PDGFRL: variants seen among roughly 807,000 people sequenced by gnomAD.
PDGFRL encodes the protein platelet derived growth factor receptor like, also known as platelet-derived growth factor receptor-like protein.
Under a neutral mutation model 37.2 loss-of-function variants are expected in PDGFRL, and 46 were observed. The ratio of observed to expected loss-of-function variants is 1.24; its 90% CI spans 0.98 to 1.58. The LOEUF (loss-of-function observed/expected upper bound fraction) is 1.58. PDGFRL is among the 40% of genes most tolerant of loss of function. PDGFRL has a pLI of 0.00. For synonymous variants in PDGFRL, 251 were observed against 184.3 expected (o/e 1.36, Z -2.93); for missense variants, 692 against 467.6 (o/e 1.48, Z -4.43).
At chr8:17,585,636 G>T (rs1214163056) in intron 1 of PDGFRL, among the ~76,000 whole-genome samples, 3 of 152,120 alleles carry the variant, frequency 2.0e-5, no homozygotes, top group East Asian at 3.9e-4. Context: ...GTTAACTGAG[G>T]AGCTACTTTT....
intron 5 of PDGFRL, among the ~76,000 whole-genome samples, chr8:17,642,029 C>A (rs78931492): frequency 6.6e-6 from 1 of 151,986 alleles, no homozygotes; most frequent in Non-Finnish European, 1.5e-5. Context: ...AAGTGACCAT[C>A]GCACTTTGTA....
chr8:17,640,828 A>G (rs534717648), intron 5 of PDGFRL, among the ~76,000 whole-genome samples: 1 of 152,230 alleles, frequency 6.6e-6, no homozygotes, highest in East Asian at 1.9e-4. Flanking sequence ...GCAGGACCCT[A>G]GAGCTCCCAA....
chr8:17,608,253 C>A (rs534483066), intron 2 of PDGFRL, among the ~76,000 whole-genome samples: 11 of 152,304 alleles, frequency 7.2e-5, no homozygotes, highest in Non-Finnish European at 8.8e-5. Context: ...GCCTAGATCC[C>A]AGATGAGATC....
intron 4 of PDGFRL, among the ~76,000 whole-genome samples, chr8:17,629,611 T>C (rs988370574): frequency 6.6e-6 from 1 of 152,180 alleles, no homozygotes; most frequent in African/African-American, 2.4e-5. Context: ...CATGCATTCA[T>C]CGAACATTTT....
upstream of PDGFRL, chr8:17,576,709 A>T (rs190596899): frequency 7.1e-6 from 7 of 985,784 alleles, no homozygotes; most frequent in Middle Eastern, 5.2e-4. Context: ...GCGGAGACCA[A>T]CTCTGGCCAG....
At chr8:17,602,461 A>G (rs1284963150) in intron 2 of PDGFRL, among the ~76,000 whole-genome samples, 2 of 152,178 alleles carry the variant, frequency 1.3e-5, no homozygotes, top group African/African-American at 2.4e-5. Flanking sequence ...AGGTAGCTTC[A>G]GGCAAGAGAG....
intron 1 of PDGFRL, among the ~76,000 whole-genome samples, chr8:17,584,196 C>G (rs1803767839): frequency 1.3e-5 from 2 of 152,108 alleles, no homozygotes; most frequent in Admixed American, 1.3e-4. Flanking sequence ...ACAAGTGCGA[C>G]TTGGAGGTTT....
intron 2 of PDGFRL, among the ~76,000 whole-genome samples, chr8:17,607,797 AAGAT>A (rs1463337342): frequency 3.3e-5 from 5 of 152,240 alleles, no homozygotes; most frequent in African/African-American, 1.2e-4. Context: ...ACAGCTTTGA[AAGAT>A]ATGTCAAAGG....
chr8:17,604,577 G>T (rs1243505205), intron 2 of PDGFRL, among the ~76,000 whole-genome samples: 1 of 151,920 alleles, frequency 6.6e-6, no homozygotes, highest in East Asian at 1.9e-4. Flanking sequence ...ACATACCGGG[G>T]ACTGTTGTGG....
At chr8:17,583,685 T>TC (rs1357156564) in intron 1 of PDGFRL, among the ~76,000 whole-genome samples, 1 of 152,146 alleles carries the variant, frequency 6.6e-6, no homozygotes, top group African/African-American at 2.4e-5. Context: ...GGTGGACCCC[T>TC]CATGAATGGC....
intron 2 of PDGFRL, among the ~76,000 whole-genome samples, chr8:17,599,075 A>G (rs1006017022): frequency 2.0e-5 from 3 of 152,210 alleles, no homozygotes; most frequent in African/African-American, 7.2e-5. Flanking sequence ...CCGTTAGTCC[A>G]TTGACTCTCC....
intron 2 of PDGFRL, among the ~76,000 whole-genome samples, chr8:17,591,586 AGATGTT>A (rs1803941430): frequency 6.6e-6 from 1 of 152,232 alleles, no homozygotes; most frequent in African/African-American, 2.4e-5. Context: ...GAGAAATACC[AGATGTT>A]GTCTGAGATG....
chr8:17,638,050 G>A (rs950867318), intron 5 of PDGFRL, among the ~76,000 whole-genome samples: 1 of 152,028 alleles, frequency 6.6e-6, no homozygotes, highest in Non-Finnish European at 1.5e-5. Context: ...ATTTCATTCA[G>A]TTCTGCTCAG....
intron 3 of PDGFRL, among the ~76,000 whole-genome samples, chr8:17,625,943 C>G (rs919020026): frequency 8.5e-5 from 13 of 152,064 alleles, no homozygotes; most frequent in African/African-American, 3.1e-4. Flanking sequence ...TGCAGTAAGT[C>G]ATGATGGTGC....
At chr8:17,611,885 G>T (rs1804424772) in intron 2 of PDGFRL, among the ~76,000 whole-genome samples, 1 of 152,184 alleles carries the variant, frequency 6.6e-6, no homozygotes, top group Non-Finnish European at 1.5e-5. Flanking sequence ...GGTGATAGCA[G>T]CCTGGGTGAC....
chr8:17,596,906 A>G (rs1350640726), intron 2 of PDGFRL, among the ~76,000 whole-genome samples: 1 of 152,240 alleles, frequency 6.6e-6, no homozygotes, highest in Non-Finnish European at 1.5e-5. Context: ...TGGATAGAGA[A>G]GTATTCATTC....
At position 17,634,144 on chromosome 8, in the gene PDGFRL, T is replaced by C. The variant is rs367553957; in HGVS notation, c.870T>C (p.Ser290=). The C allele has an allele frequency of 5.6e-6, 9 of 1,613,222 alleles. No individual in the cohort carries two copies. In the African/African-American group the frequency reaches 1.1e-4, roughly 19 times the overall value. ...AAGTGAAAAGTGGGGACGACATCAG[T>C]GTGCTCTGCACTGTCCTGGGGGAGC... ...SNKVKSGDDI[S]VLCTVLGEPD... The change falls in exon 5 of 6, where the codon AGT becomes AGC. Residue 290 remains serine, a synonymous_variant. Coordinates refer to ENST00000251630, the MANE Select transcript of PDGFRL (RefSeq NM_001372073.1).
At position 17,587,342 on chromosome 8, in the gene PDGFRL, G is replaced by T. The variant is rs533328926; in HGVS notation, c.56-2126G>T. On this transcript the variant is annotated intron_variant, in intron 1 of 5. Transcript: ENST00000251630. ...ATACACAAGATGTGATAGCTTAGAA[G>T]GATCAGACAAGTAGCTCTGTTTGTC... is the stretch of plus-strand genomic sequence containing the variant. Among the ~76,000 whole-genome samples the T allele has an allele frequency of 2.6e-5, 4 of 152,286 alleles. 1 individual carries two copies. In the South Asian group the frequency reaches 8.3e-4, roughly 32 times the overall value.
chr8:17,606,419 T>C (rs182865997), intron 2 of PDGFRL, among the ~76,000 whole-genome samples: 2 of 152,236 alleles, frequency 1.3e-5, no homozygotes, highest in East Asian at 1.9e-4. Context: ...ATGGGTCCAA[T>C]TGGGGTCTAA....
Sources: gnomAD v4.1 joint callset for allele counts (sites outside exome capture counted in the v4.1 genomes callset) on GRCh38, gnomAD v4.1.1 for gene constraint, MANE v1.5 for transcripts, NCBI Gene and HGNC (gene_info 2026-07-23, HGNC 2026-07-21) for gene names.